The following EPG5 variants were observed in gnomAD, a reference collection of about 807,000 sequenced individuals.
The protein encoded by EPG5 is ectopic P granules protein 5 homolog.
EPG5 carries 159 observed loss-of-function variants against 302.7 expected under a neutral mutation model. That is an observed-to-expected ratio of 0.53 (90% confidence interval 0.46 to 0.60). EPG5 has a LOEUF of 0.60. EPG5 is among the 20% of genes least tolerant of loss of function. EPG5 has a pLI of 0.00. For synonymous variants in EPG5, 1,158 were observed against 1,136.8 expected (o/e 1.02, Z -0.37); for missense variants, 2,896 against 3,092.4 (o/e 0.94, Z 1.51).
chr18:45,836,002 G>A, the EPG5 span, among the ~76,000 whole-genome samples: 2 of 152,214 alleles, frequency 1.3e-5, no homozygotes, highest in Admixed American at 1.3e-4. Context: ...AGAGAACAAT[G>A]GCGGTCCTGT....
At chr18:45,845,433 G>A (rs117662383), downstream of EPG5, among the ~76,000 whole-genome samples, 1,686 of 152,286 alleles carry the variant, frequency 0.011, 13 homozygotes, top group South Asian at 0.02. Flanking sequence ...AGAGGGGAGG[G>A]TGGTGAGGGG....
At chr18:45,838,720 G>A in the EPG5 span, 1 of 1,573,378 alleles carries the variant, frequency 6.4e-7, no homozygotes, top group South Asian at 1.2e-5. Flanking sequence ...CCCTGCAGCC[G>A]CGCCGCGGAT....
At chr18:45,829,176 C>G in the EPG5 span, 3 of 984,794 alleles carry the variant, frequency 3.0e-6, no homozygotes, top group Non-Finnish European at 3.6e-6. Context: ...GCCTCTCCAT[C>G]AGCTCAGGTA....
rs374315601 is a variant in EPG5 at position 45,923,249 on chromosome 18, T to A, written c.2838+19A>T. On this transcript the variant is annotated intron_variant, in intron 15 of 43. Transcript: ENST00000282041. ...GAAGATAAAGATTCATGTTTCCAAA[T>A]CAGAAGAGAAGGAAATACCTGCTTC... 8.6e-5 allele frequency: 138 copies of A among 1,611,174 alleles called. No individual in the cohort carries two copies. The highest frequency in any genetic ancestry group is 1.1e-4 in the Non-Finnish European group (124 of 1,179,054).
chr18:45,830,370 T>C, the EPG5 span, among the ~76,000 whole-genome samples: 3 of 152,168 alleles, frequency 2.0e-5, no homozygotes, highest in Non-Finnish European at 4.4e-5. Context: ...AACTGCTCCC[T>C]AGTGGGATCA....
At chr18:45,883,614 G>GTT (rs1174930322) in intron 30 of EPG5, among the ~76,000 whole-genome samples, 1,146 of 60,556 alleles carry the variant, frequency 0.019, 126 homozygotes, top group African/African-American at 0.061. Flanking sequence ...CTAGCCTGGT[G>GTT]TTTTTTTTTT....
intron 24 of EPG5, among the ~76,000 whole-genome samples, chr18:45,904,367 A>T (rs1013118235): frequency 3.3e-5 from 5 of 152,334 alleles, no homozygotes; most frequent in Non-Finnish European, 7.3e-5. Flanking sequence ...TTTGTAAATT[A>T]TATACATACA....
intron 32 of EPG5, 149 bp from the exon 33 acceptor site, chr18:45,879,363 T>TTTTTTG: frequency 1.6e-6 from 1 of 625,304 alleles, no homozygotes; most frequent in South Asian, 2.1e-5. Flanking sequence ...AAATCAATGG[T>TTTTTTG]TTTTTGTTTT....
At chr18:45,959,355 T>C (rs1425884744) in intron 1 of EPG5, among the ~76,000 whole-genome samples, 1 of 150,750 alleles carries the variant, frequency 6.6e-6, no homozygotes, top group Non-Finnish European at 1.5e-5. Context: ...AATACATAAA[T>C]AGGGGCCGGG....
the EPG5 span, among the ~76,000 whole-genome samples, chr18:45,819,050 C>T: frequency 3.9e-5 from 6 of 152,058 alleles, no homozygotes; most frequent in African/African-American, 1.4e-4. Flanking sequence ...TTTAAATAGT[C>T]AAGTTTTAAA....
intron 27 of EPG5, among the ~76,000 whole-genome samples, chr18:45,890,827 G>A (rs902943890): frequency 1.3e-5 from 2 of 152,186 alleles, no homozygotes; most frequent in Non-Finnish European, 2.9e-5. Context: ...ATGGGACAGA[G>A]ATACAGGAAG....
At chr18:45,810,342 G>T in the EPG5 span, among the ~76,000 whole-genome samples, 2 of 152,004 alleles carry the variant, frequency 1.3e-5, no homozygotes, top group Non-Finnish European at 2.9e-5. Flanking sequence ...GAGAAAGAAG[G>T]AACCCTTCCT....
chr18:45,806,057 A>G, the EPG5 span, among the ~76,000 whole-genome samples: 1 of 152,230 alleles, frequency 6.6e-6, no homozygotes, highest in African/African-American at 2.4e-5. Context: ...TGGTATAAAG[A>G]TTAAACAAGC....
At chr18:45,881,792 A>T (rs540585439) in intron 31 of EPG5, among the ~76,000 whole-genome samples, 1 of 152,252 alleles carries the variant, frequency 6.6e-6, no homozygotes, top group Non-Finnish European at 1.5e-5. Flanking sequence ...AATAAAGTCT[A>T]TCATTACATA....
chr18:45,901,085 C>G lies in EPG5; in HGVS notation c.4557G>C (p.Val1519=). The G allele has an allele frequency of 1.2e-6, 2 of 1,614,186 alleles. No homozygotes were observed. The highest frequency in any genetic ancestry group is 4.5e-5 in the East Asian group (2 of 44,886). ...ATAGCACAGCAGAGGAAATAACTGG[C>G]ACAGGAGGCTTCGTCGGGTGCAGAG... is the stretch of plus-strand genomic sequence containing the variant. ...PLALHPTKPP[V]PVISSAVLLS... Residue 1519 remains valine, a synonymous_variant, in exon 26 of 44, where the codon GTG becomes GTC. Transcript: ENST00000282041.
At chr18:45,840,998 T>G in the EPG5 span, 1 of 152,294 alleles carries the variant, frequency 6.6e-6, no homozygotes, top group Non-Finnish European at 1.5e-5. Context: ...GAGTACCTAC[T>G]GCATACCAGG....
the EPG5 span, among the ~76,000 whole-genome samples, chr18:45,815,146 A>T: frequency 0.018 from 2,712 of 152,230 alleles, 83 homozygotes; most frequent in African/African-American, 0.062. Flanking sequence ...TTCATCTGAC[A>T]CTCAGTTTTC....
chr18:45,855,545 C>T (rs2048498172), intron 43 of EPG5, 28 bp downstream of exon 43: 1 of 1,570,782 alleles, frequency 6.4e-7, no homozygotes, highest in African/African-American at 1.3e-5. Flanking sequence ...TGCAGGCAAA[C>T]TTCTAACCCT....
At chr18:45,940,853 C>A (rs1031361091) in intron 9 of EPG5, among the ~76,000 whole-genome samples, 11 of 152,104 alleles carry the variant, frequency 7.2e-5, no homozygotes, top group Non-Finnish European at 1.2e-4. Context: ...GCCTGAGAAA[C>A]TAGAATAGAG....
Sources: gnomAD v4.1 joint callset for allele counts (sites outside exome capture counted in the v4.1 genomes callset) on GRCh38, gnomAD v4.1.1 for gene constraint, MANE v1.5 for transcripts, NCBI Gene and HGNC (gene_info 2026-07-23, HGNC 2026-07-21) for gene names.